The following NOS1AP variants were observed in gnomAD, a reference collection of about 807,000 sequenced individuals.
The protein encoded by NOS1AP is nitric oxide synthase 1 adaptor protein, also known as carboxyl-terminal PDZ ligand of neuronal nitric oxide synthase protein.
NOS1AP carries 21 observed loss-of-function variants against 56.2 expected under a neutral mutation model. The ratio of observed to expected loss-of-function variants is 0.37; its 90% CI spans 0.26 to 0.54. The LOEUF (loss-of-function observed/expected upper bound fraction) is 0.54. NOS1AP is among the 20% of genes least tolerant of loss of function. The probability of loss-of-function intolerance (pLI) is 0.84; values close to 1 mark genes in which losing one functional copy is unlikely to be tolerated. For synonymous variants in NOS1AP, 270 were observed against 274.6 expected (o/e 0.98, Z 0.17); for missense variants, 522 against 657.8 (o/e 0.79, Z 2.26).
chr1:162,263,631 C>T (rs1219358260), intron 2 of NOS1AP, among the ~76,000 whole-genome samples: 1 of 152,146 alleles, frequency 6.6e-6, no homozygotes, highest in Non-Finnish European at 1.5e-5. Flanking sequence ...TCTTTTTACT[C>T]TCACCCTAGG....
At chr1:162,203,839 C>T (rs1307477767) in intron 2 of NOS1AP, among the ~76,000 whole-genome samples, 1 of 152,148 alleles carries the variant, frequency 6.6e-6, no homozygotes, top group Non-Finnish European at 1.5e-5. Context: ...GGTCTTTTTC[C>T]TCTTTGGTCA....
chr1:162,274,184 G>A (rs1185230595), intron 2 of NOS1AP, among the ~76,000 whole-genome samples: 1 of 152,222 alleles, frequency 6.6e-6, no homozygotes, highest in Non-Finnish European at 1.5e-5. Context: ...AGCAATGCGT[G>A]AGAAGTCCAG....
rs533225221 is a variant in NOS1AP, at chr1:162,328,773, G to C, written c.345-4244G>C. Reference sequence around the variant, plus strand: ...GTTGGCAGAATTCCAGTCAACATGAGGGAAAATTTCCTGGTAACTAGAACC... The same window carrying C: ...GTTGGCAGAATTCCAGTCAACATGACGGAAAATTTCCTGGTAACTAGAACC... On this transcript the variant is annotated intron_variant, in intron 4 of 9. Coordinates refer to ENST00000361897, the MANE Select transcript of NOS1AP (RefSeq NM_014697.3). Among the ~76,000 whole-genome samples, 29 of 152,278 alleles carry C rather than the reference G, an allele frequency of 1.9e-4. No individual in the cohort carries two copies. In the East Asian group the frequency reaches 5.4e-3, roughly 28 times the overall value.
intron 2 of NOS1AP, among the ~76,000 whole-genome samples, chr1:162,222,235 A>AT (rs1158664126): frequency 6.6e-6 from 1 of 152,218 alleles, no homozygotes; most frequent in East Asian, 1.9e-4. Context: ...CACATGGTTA[A>AT]TTTTCAACTT....
intron 2 of NOS1AP, among the ~76,000 whole-genome samples, chr1:162,154,976 C>T (rs1004476762): frequency 2.0e-5 from 3 of 151,868 alleles, no homozygotes; most frequent in Non-Finnish European, 2.9e-5. Flanking sequence ...TTATTAGAAA[C>T]GGTGGCTCTT....
chr1:162,290,029 G>A (rs1472211878), intron 3 of NOS1AP, among the ~76,000 whole-genome samples: 4 of 152,124 alleles, frequency 2.6e-5, no homozygotes, highest in Non-Finnish European at 5.9e-5. Context: ...GTATCACCTG[G>A]AGAGAAGCCT....
intron 2 of NOS1AP, among the ~76,000 whole-genome samples, chr1:162,201,810 C>T (rs754365996): frequency 6.0e-4 from 91 of 152,136 alleles, no homozygotes; most frequent in Non-Finnish European, 1.1e-3. Flanking sequence ...TGTTTTTTCT[C>T]TTGTAAATTT....
intron 1 of NOS1AP, among the ~76,000 whole-genome samples, chr1:162,089,146 AACAGAGCTGGGAAACT>A (rs1571000508): frequency 6.6e-6 from 1 of 152,170 alleles, no homozygotes; most frequent in East Asian, 1.9e-4. Flanking sequence ...TTTTTTGGTG[AACAGAGCTGGGAAACT>A]ACACATAAGG....
At chr1:162,238,340 C>G (rs193151443) in intron 2 of NOS1AP, among the ~76,000 whole-genome samples, 1 of 152,104 alleles carries the variant, frequency 6.6e-6, no homozygotes, top group East Asian at 1.9e-4. Context: ...TAAGCATCAG[C>G]CCTGGTTGGG....
intron 1 of NOS1AP, among the ~76,000 whole-genome samples, chr1:162,090,611 C>A (rs974969372): frequency 6.6e-6 from 1 of 152,048 alleles, no homozygotes; most frequent in Admixed American, 6.6e-5. Flanking sequence ...ACTTTCAAAT[C>A]CCTTTGATCT....
At chr1:162,307,934 G>A (rs575494066) in intron 4 of NOS1AP, among the ~76,000 whole-genome samples, 148 of 152,320 alleles carry the variant, frequency 9.7e-4, no homozygotes, top group African/African-American at 3.3e-3. Context: ...AGGGAAGAAG[G>A]GTTGCATGGA....
chr1:162,319,272 A>C (rs546749352), intron 4 of NOS1AP, among the ~76,000 whole-genome samples: 18 of 152,276 alleles, frequency 1.2e-4, no homozygotes, highest in Non-Finnish European at 2.4e-4. Flanking sequence ...AGCAAGCCCC[A>C]GGTCCAGATT....
At chr1:162,245,940 C>T (rs561459109) in intron 2 of NOS1AP, among the ~76,000 whole-genome samples, 3 of 152,364 alleles carry the variant, frequency 2.0e-5, no homozygotes, top group Admixed American at 2.0e-4. Flanking sequence ...CAACTGCTAG[C>T]TCCTTTAAAG....
chr1:162,115,580 C>A (rs1367319324), intron 1 of NOS1AP, among the ~76,000 whole-genome samples: 1 of 152,132 alleles, frequency 6.6e-6, no homozygotes, highest in Non-Finnish European at 1.5e-5. Context: ...GGTATCATTG[C>A]AGAGCTTTTT....
intron 2 of NOS1AP, among the ~76,000 whole-genome samples, chr1:162,261,682 A>G (rs1295781326): frequency 6.6e-6 from 1 of 152,132 alleles, no homozygotes; most frequent in African/African-American, 2.4e-5. Context: ...GATTCCCCCC[A>G]TAGCCTCCAG....
chr1:162,293,346 G>A (rs1655336482), intron 3 of NOS1AP, among the ~76,000 whole-genome samples: 1 of 152,166 alleles, frequency 6.6e-6, no homozygotes, highest in Non-Finnish European at 1.5e-5. Flanking sequence ...GGAAATGAAT[G>A]TCAGTACAAA....
chr1:162,171,986 G>A (rs1650809112), intron 2 of NOS1AP, among the ~76,000 whole-genome samples: 2 of 152,196 alleles, frequency 1.3e-5, no homozygotes, highest in Admixed American at 6.5e-5. Flanking sequence ...AAGCCACTTA[G>A]CAGCCCCAAG....
chr1:162,328,560 CT>C (rs1315495982), intron 4 of NOS1AP, among the ~76,000 whole-genome samples: 1 of 152,122 alleles, frequency 6.6e-6, no homozygotes, highest in Non-Finnish European at 1.5e-5. Context: ...CATACTCATT[CT>C]TTAAACCTTA....
At chr1:162,126,405 AG>A (rs1648489203) in intron 1 of NOS1AP, among the ~76,000 whole-genome samples, 1 of 152,184 alleles carries the variant, frequency 6.6e-6, no homozygotes, top group Non-Finnish European at 1.5e-5. Flanking sequence ...CATTTGGGAC[AG>A]GGAAGTCACA....
Sources: gnomAD v4.1 joint callset for allele counts (sites outside exome capture counted in the v4.1 genomes callset) on GRCh38, gnomAD v4.1.1 for gene constraint, MANE v1.5 for transcripts, NCBI Gene and HGNC (gene_info 2026-07-23, HGNC 2026-07-21) for gene names.